BLTP3B: variants seen among roughly 807,000 people sequenced by gnomAD.
BLTP3B encodes the protein bridge-like lipid transfer protein family member 3B.
At chr12:100,140,045 G>A in the BLTP3B span, among the ~76,000 whole-genome samples, 1 of 152,092 alleles carries the variant, frequency 6.6e-6, no homozygotes, top group Non-Finnish European at 1.5e-5. Flanking sequence ...CAGACCACTA[G>A]GTCAATGTAG....
At chr12:100,058,830 C>T in the BLTP3B span, 2 of 1,613,930 alleles carry the variant, frequency 1.2e-6, no homozygotes, top group Non-Finnish European at 1.7e-6. Context: ...AATCTGCATA[C>T]TGACATGTTT....
chr12:100,071,433 G>A, the BLTP3B span, among the ~76,000 whole-genome samples: 1 of 148,838 alleles, frequency 6.7e-6, no homozygotes, highest in East Asian at 2.0e-4. Context: ...GGAGGCAGAG[G>A]TTCCAGTGAG....
chr12:100,085,856 TA>T, the BLTP3B span, among the ~76,000 whole-genome samples: 1 of 152,100 alleles, frequency 6.6e-6, no homozygotes, highest in Admixed American at 6.5e-5. Context: ...AACATACTCT[TA>T]TTCTTAGCTT....
the BLTP3B span, among the ~76,000 whole-genome samples, chr12:100,109,715 G>A: frequency 6.6e-6 from 1 of 150,996 alleles, no homozygotes; most frequent in Non-Finnish European, 1.5e-5. Flanking sequence ...GCAGTGAGCT[G>A]AGATTGTGCC....
the BLTP3B span, chr12:100,097,359 A>G: frequency 1.2e-6 from 2 of 1,606,958 alleles, no homozygotes; most frequent in Non-Finnish European, 1.7e-6. Context: ...AATCTTGTTG[A>G]CTCACCCTTC....
chr12:100,130,947 TAC>T, the BLTP3B span, among the ~76,000 whole-genome samples: 1 of 103,406 alleles, frequency 9.7e-6, no homozygotes, highest in Admixed American at 1.0e-4. Flanking sequence ...CATACATACA[TAC>T]ATATATATAT....
At chr12:100,048,800 G>GT in the BLTP3B span, among the ~76,000 whole-genome samples, 20 of 151,392 alleles carry the variant, frequency 1.3e-4, no homozygotes, top group African/African-American at 4.6e-4. Context: ...GTGTGTGTGT[G>GT]TGTGTGTGTG....
the BLTP3B span, among the ~76,000 whole-genome samples, chr12:100,092,138 CTTCT>C: frequency 6.6e-6 from 1 of 152,132 alleles, no homozygotes; most frequent in African/African-American, 2.4e-5. Context: ...TCAAAATAGT[CTTCT>C]TTCTCTTTTA....
chr12:100,037,864 T>C, the BLTP3B span: 8 of 984,704 alleles, frequency 8.1e-6, no homozygotes, highest in Admixed American at 2.3e-4. Context: ...AAATGCCCAT[T>C]GCTGGTGAGA....
At chr12:100,061,220 G>A in the BLTP3B span, among the ~76,000 whole-genome samples, 3 of 152,170 alleles carry the variant, frequency 2.0e-5, no homozygotes, top group African/African-American at 7.2e-5. Context: ...AGGAAGTAAA[G>A]GGAATATCTC....
the BLTP3B span, among the ~76,000 whole-genome samples, chr12:100,099,619 T>C: frequency 0.24 from 36,826 of 150,804 alleles, 6,267 homozygotes; most frequent in African/African-American, 0.48. Context: ...TGGTAACACT[T>C]GCCTGTGGTC....
the BLTP3B span, among the ~76,000 whole-genome samples, chr12:100,138,822 C>T: frequency 2.0e-5 from 3 of 152,126 alleles, no homozygotes; most frequent in African/African-American, 7.3e-5. Context: ...TGCCGATTTG[C>T]AAGCGCCTGT....
the BLTP3B span, among the ~76,000 whole-genome samples, chr12:100,139,955 T>C: frequency 2.8e-4 from 43 of 152,346 alleles, no homozygotes; most frequent in South Asian, 6.2e-4. Context: ...ATGGGTTGCA[T>C]ACACAGGCCT....
the BLTP3B span, among the ~76,000 whole-genome samples, chr12:100,117,799 C>T: frequency 1.9e-4 from 29 of 152,288 alleles, no homozygotes; most frequent in African/African-American, 3.4e-4. Context: ...CCGCACCTGA[C>T]CTTTGGGGTG....
At chr12:100,105,332 T>A in the BLTP3B span, among the ~76,000 whole-genome samples, 13 of 152,058 alleles carry the variant, frequency 8.5e-5, no homozygotes, top group African/African-American at 2.4e-4. Flanking sequence ...TTCTGTTCCA[T>A]TGAACAGAAT....
At chr12:100,060,951 T>G in the BLTP3B span, among the ~76,000 whole-genome samples, 1 of 152,180 alleles carries the variant, frequency 6.6e-6, no homozygotes, top group Non-Finnish European at 1.5e-5. Context: ...CTTATGTTAT[T>G]TATTTATTCA....
At chr12:100,058,897 A>C in the BLTP3B span, 1 of 1,613,918 alleles carries the variant, frequency 6.2e-7, no homozygotes, top group Non-Finnish European at 8.5e-7. Flanking sequence ...GAAAATCTGA[A>C]AAATGTATCT....
chr12:100,140,729 A>AAAATATAT, the BLTP3B span, among the ~76,000 whole-genome samples: 7 of 61,506 alleles, frequency 1.1e-4, no homozygotes, highest in African/African-American at 6.1e-4. Context: ...AAAAAAAAAA[A>AAAATATAT]ATATATATAT....
the BLTP3B span, among the ~76,000 whole-genome samples, chr12:100,063,401 C>T: frequency 6.6e-6 from 1 of 152,018 alleles, no homozygotes; most frequent in Non-Finnish European, 1.5e-5. Flanking sequence ...GAATCCACAC[C>T]CACAGGAAGA....
Sources: allele counts gnomAD v4.1 joint callset (sites outside exome capture counted in the v4.1 genomes callset), GRCh38; gene constraint gnomAD v4.1.1; transcripts MANE v1.5; gene names NCBI Gene and HGNC (gene_info 2026-07-23, HGNC 2026-07-21).